Variants in SMIM14 observed in about 807,000 individuals in gnomAD.
The protein encoded by SMIM14 is small integral membrane protein 14.
SMIM14 carries 5 observed loss-of-function variants against 12.6 expected under a neutral mutation model. The observed-to-expected ratio is 0.40, with a 90% CI of 0.21 to 0.83. SMIM14 has a LOEUF of 0.83. Ranked by LOEUF, SMIM14 falls within the 40% of genes least tolerant of loss-of-function variation. SMIM14 has a pLI of 0.37. For synonymous variants in SMIM14, 30 were observed against 40.1 expected, an observed-to-expected ratio of 0.75 and a Z score of 0.95; for missense variants, 86 against 119.1, an observed-to-expected ratio of 0.72 and a Z score of 1.29.
At chr4:39,611,295 C>A (rs1165250387) in intron 1 of SMIM14, among the ~76,000 whole-genome samples, 1 of 152,178 alleles carries the variant, frequency 6.6e-6, no homozygotes, top group Non-Finnish European at 1.5e-5. Context: ...CACCTGAGGT[C>A]AGGAGTTCGA....
At chr4:39,556,293 C>T in intron 4 of SMIM14, 135 bp downstream of exon 4, 1 of 731,556 alleles carries the variant, frequency 1.4e-6, no homozygotes, top group Non-Finnish European at 2.1e-6. Flanking sequence ...TTTAATAGAA[C>T]TACATAGGTA....
At chr4:39,552,755 CG>C (rs1192807451) in intron 4 of SMIM14, among the ~76,000 whole-genome samples, 2 of 152,022 alleles carry the variant, frequency 1.3e-5, no homozygotes, top group African/African-American at 4.8e-5. Flanking sequence ...ATTTTTTTGA[CG>C]TGTAAATCAA....
chr4:39,584,919 A>G (rs1713714668), intron 2 of SMIM14, among the ~76,000 whole-genome samples: 1 of 151,982 alleles, frequency 6.6e-6, no homozygotes, highest in African/African-American at 2.4e-5. Flanking sequence ...CTTTGCCTAA[A>G]TGATATGCAG....
intron 2 of SMIM14, among the ~76,000 whole-genome samples, chr4:39,579,391 C>T (rs868665668): frequency 2.3e-5 from 3 of 128,106 alleles, no homozygotes; most frequent in African/African-American, 9.0e-5. Flanking sequence ...GTCTGGACAA[C>T]ACAGTGAGAC....
chr4:39,582,439 T>C (rs61081013), intron 2 of SMIM14, among the ~76,000 whole-genome samples: 1 of 151,898 alleles, frequency 6.6e-6, no homozygotes, highest in African/African-American at 2.4e-5. Context: ...CCGAGGCAGG[T>C]GGATCACTTG....
chr4:39,628,847 C>T (rs1715801724), intron 1 of SMIM14, among the ~76,000 whole-genome samples: 1 of 150,566 alleles, frequency 6.6e-6, no homozygotes, highest in Admixed American at 6.6e-5. Context: ...ATTCTCCTGC[C>T]TCACCCTCCC....
chr4:39,580,529 C>A (rs535049930), intron 2 of SMIM14, among the ~76,000 whole-genome samples: 1 of 144,488 alleles, frequency 6.9e-6, no homozygotes, highest in East Asian at 2.0e-4. Flanking sequence ...TTCTTTCTTT[C>A]TTTTTTTTTT....
intron 1 of SMIM14, among the ~76,000 whole-genome samples, chr4:39,627,749 G>T (rs1030022039): frequency 1.3e-5 from 2 of 152,068 alleles, no homozygotes; most frequent in African/African-American, 4.8e-5. Context: ...CTTAATCTTG[G>T]TCTCTCACCT....
At chr4:39,595,269 T>C (rs1279043743) in intron 2 of SMIM14, among the ~76,000 whole-genome samples, 2 of 149,448 alleles carry the variant, frequency 1.3e-5, no homozygotes, top group African/African-American at 2.5e-5. Flanking sequence ...ATGGATGAAA[T>C]TGGAAATCAT....
chr4:39,590,013 ACT>A (rs61207863), intron 2 of SMIM14, among the ~76,000 whole-genome samples: 16,161 of 126,932 alleles, frequency 0.13, 1,492 homozygotes, highest in South Asian at 0.32. Flanking sequence ...ACACAGCAAG[ACT>A]CTGTTTCAAA....
At chr4:39,601,497 A>G (rs910803197) in intron 2 of SMIM14, among the ~76,000 whole-genome samples, 59 of 152,278 alleles carry the variant, frequency 3.9e-4, no homozygotes, top group African/African-American at 1.4e-3. Flanking sequence ...CTAAGCACAC[A>G]GGGATTTAAA....
intron 2 of SMIM14, among the ~76,000 whole-genome samples, chr4:39,598,464 C>T (rs1303666399): frequency 6.6e-6 from 1 of 152,058 alleles, no homozygotes; most frequent in African/African-American, 2.4e-5. Context: ...ATTATTGCTA[C>T]TTCTTGATTT....
At chr4:39,632,478 C>CAAA (rs71192888) in intron 1 of SMIM14, among the ~76,000 whole-genome samples, 5 of 88,712 alleles carry the variant, frequency 5.6e-5, no homozygotes, top group Non-Finnish European at 6.5e-5. Context: ...GACTCCGTCT[C>CAAA]AAAAAAAAAA....
At chr4:39,605,350 A>G (rs1714766987) in intron 1 of SMIM14, among the ~76,000 whole-genome samples, 170 bp from the exon 2 acceptor site, 1 of 152,158 alleles carries the variant, frequency 6.6e-6, no homozygotes, top group Admixed American at 6.5e-5. Flanking sequence ...TGAATTATGA[A>G]TCTATACAGG....
rs201117557 is a variant in SMIM14, at chr4:39,632,139, TA to T, written c.-36+6599del. On this transcript the variant is annotated intron_variant, in intron 1 of 4. Transcript: ENST00000295958. ...AATTTAAAATTTAAATACCAAAAGT[TA>T]AAAAAAAATGGAAAAATGCAGGTAC... Among the ~76,000 whole-genome samples, 29 of 150,904 alleles carry T rather than the reference TA, an allele frequency of 1.9e-4. No homozygotes were observed. The East Asian group carries it at 3.7e-3, about 19-fold the overall frequency.
chr4:39,617,717 A>C (rs931988015), intron 1 of SMIM14, among the ~76,000 whole-genome samples: 7 of 152,214 alleles, frequency 4.6e-5, no homozygotes, highest in Non-Finnish European at 8.8e-5. Flanking sequence ...TGCAAAAATC[A>C]GTTTTCAAAG....
At chr4:39,567,609 C>G (rs1039696760) in intron 3 of SMIM14, among the ~76,000 whole-genome samples, 1 of 151,862 alleles carries the variant, frequency 6.6e-6, no homozygotes, top group Non-Finnish European at 1.5e-5. Flanking sequence ...TGGTGGCAGG[C>G]GCCTATAATC....
chr4:39,557,521 A>C (rs1712079179), intron 3 of SMIM14, among the ~76,000 whole-genome samples: 1 of 152,086 alleles, frequency 6.6e-6, no homozygotes, highest in Non-Finnish European at 1.5e-5. Flanking sequence ...CAAGCCGGCC[A>C]TGCCATGTTT....
At chr4:39,636,256 T>C (rs1716082854) in intron 1 of SMIM14, among the ~76,000 whole-genome samples, 1 of 151,162 alleles carries the variant, frequency 6.6e-6, no homozygotes, top group Non-Finnish European at 1.5e-5. Flanking sequence ...CCTGAACATC[T>C]GATCAGCATT....
Sources: allele counts gnomAD v4.1 joint callset (sites outside exome capture counted in the v4.1 genomes callset), GRCh38; gene constraint gnomAD v4.1.1; transcripts MANE v1.5; gene names NCBI Gene and HGNC (gene_info 2026-07-23, HGNC 2026-07-21).